The following OGFOD2 variants were observed in gnomAD, a reference collection of about 807,000 sequenced individuals.
OGFOD2 encodes 2-oxoglutarate and iron-dependent oxygenase domain-containing protein 2.
Under a neutral mutation model 31.1 loss-of-function variants are expected in OGFOD2, and 34 were observed. The observed-to-expected ratio is 1.09, with a 90% CI of 0.83 to 1.45. The LOEUF (loss-of-function observed/expected upper bound fraction) is 1.45, where lower values mean the gene tolerates loss of function less well. OGFOD2 is among the 40% of genes most tolerant of loss of function. The pLI is 0.00. For synonymous variants in OGFOD2, 240 were observed against 192.3 expected (o/e 1.25, Z -2.05); for missense variants, 537 against 433.9 (o/e 1.24, Z -2.11).
chr12:122,976,478 C>T, intron 2 of OGFOD2, 176 bp from the exon 3 acceptor site: 1 of 1,503,112 alleles, frequency 6.7e-7, no homozygotes, highest in East Asian at 2.3e-5. Flanking sequence ...TTCTAGAAGT[C>T]CCTTTCAGCT....
exon 7 of OGFOD2, chr12:122,979,100 G>T: frequency 6.3e-7 from 1 of 1,599,328 alleles, no homozygotes; most frequent in African/African-American, 1.3e-5. Context: ...CAGCCCTGAC[G>T]GAGCCCCTGG....
exon 6 of OGFOD2, chr12:122,978,767 G>C (rs1261965980): frequency 6.2e-7 from 1 of 1,609,194 alleles, no homozygotes; most frequent in South Asian, 1.1e-5. Flanking sequence ...TGCTGCACGA[G>C]CTCGGGCTGG....
chr12:122,976,500 A>C, intron 2 of OGFOD2, 154 bp from the exon 3 acceptor site: 1 of 1,415,928 alleles, frequency 7.1e-7, no homozygotes, highest in African/African-American at 1.4e-5. Flanking sequence ...ACAGTCTGGA[A>C]CTTGCAGTTG....
chr12:122,978,649 C>A, intron 5 of OGFOD2, 80 bp downstream of exon 5: 4 of 1,589,974 alleles, frequency 2.5e-6, no homozygotes, highest in Non-Finnish European at 3.4e-6. Context: ...AGATGGGCTG[C>A]CTGCCCGGGC....
chr12:122,976,263 G>C (rs1393978519), intron 2 of OGFOD2: 10 of 952,536 alleles, frequency 1.0e-5, no homozygotes, highest in Non-Finnish European at 1.7e-5. Flanking sequence ...GCTGCTGCCA[G>C]GGCTGCTGCC....
At chr12:122,975,412 C>A in intron 1 of OGFOD2, 29 bp downstream of exon 1, 2 of 682,508 alleles carry the variant, frequency 2.9e-6, no homozygotes, top group Non-Finnish European at 5.4e-6. Flanking sequence ...CCCTACGGAG[C>A]AGTGGGCAGA....
rs777629879 is a variant in OGFOD2, at chr12:122,978,739, G to A, written c.532-14G>A. On this transcript the variant is annotated splice_polypyrimidine_tract_variant and intron_variant, in intron 5 of 6. Coordinates refer to ENST00000228922, the Ensembl canonical transcript of OGFOD2. ...CCTCTAGTTTCCTTGCTGACCCCAGGAATCCCCTCCCAGGTGCTGCTGCAC... is the reference window on the plus strand; with the variant it reads ...CCTCTAGTTTCCTTGCTGACCCCAGAAATCCCCTCCCAGGTGCTGCTGCAC... 6.2e-7 allele frequency: 1 copy of A among 1,602,630 alleles called. No homozygotes were observed. The highest frequency in any genetic ancestry group is 8.5e-7 in the Non-Finnish European group (1 of 1,173,430).
intron 4 of OGFOD2, chr12:122,977,548 C>A (rs1433146668): frequency 5.2e-6 from 1 of 190,866 alleles, no homozygotes; most frequent in Non-Finnish European, 1.1e-5. Context: ...GATTCAGTTT[C>A]CTCATCTGTA....
intron 2 of OGFOD2, chr12:122,976,270 T>G (rs538576691): frequency 9.6e-7 from 1 of 1,046,510 alleles, no homozygotes; most frequent in African/African-American, 1.6e-5. Context: ...CCAGGGCTGC[T>G]GCCCCACTCC....
rs1325675911 is a variant in OGFOD2 at position 122,975,284 on chromosome 12, C to T, written c.33C>T (p.Cys11=). 2.2e-5 allele frequency: 15 copies of T among 693,902 alleles called. 1 individual carries two copies. The highest frequency in any genetic ancestry group is 1.3e-4 in the South Asian group (9 of 67,170). The allele number at this position is 693,902 out of a possible 1,614,324, so 43.0% of individuals were successfully genotyped here. A position where few individuals can be genotyped will look rare whatever the true frequency, so the allele number is the denominator to read the frequency against. The change falls in exon 1 of 7, where the codon TGC becomes TGT. Residue 11 remains cysteine (C), a synonymous_variant. Coordinates refer to ENST00000228922, the Ensembl canonical transcript of OGFOD2. ...CGGTGGGGGCTCCGCGGCACTTCTG[C>T]CGCTGCGCCTGCTTCTGCACCGATA...
exon 1 of OGFOD2, chr12:122,975,245 C>A: frequency 3.0e-6 from 2 of 671,160 alleles, no homozygotes; most frequent in Non-Finnish European, 5.5e-6. Context: ...GCTGTGGGTG[C>A]TTCACTATGG....
intron 4 of OGFOD2, 36 bp from the exon 5 acceptor site, chr12:122,978,406 C>G (rs769781763): frequency 6.2e-7 from 1 of 1,607,928 alleles, no homozygotes; most frequent in East Asian, 2.2e-5. Context: ...GGCCCACGGC[C>G]ACATTCAGGC....
upstream of OGFOD2, chr12:122,975,088 G>A (rs1301646140): frequency 4.4e-5 from 22 of 494,836 alleles, no homozygotes; most frequent in East Asian, 5.2e-4. Context: ...CCCGGCCCAG[G>A]AGCATCTTTC....
exon 7 of OGFOD2, chr12:122,979,969 C>T (rs1566216295): frequency 2.6e-6 from 1 of 382,896 alleles, no homozygotes; most frequent in Non-Finnish European, 4.6e-6. Context: ...GCCTTCGTTT[C>T]CTCATTTAGC....
At chr12:122,976,378 C>T (rs778891358) in intron 2 of OGFOD2, 3 of 1,613,876 alleles carry the variant, frequency 1.9e-6, no homozygotes, top group Admixed American at 1.7e-5. Context: ...GTCTCCTGTC[C>T]CTGTGTGGGC....
exon 2 of OGFOD2, chr12:122,975,843 G>C (rs1159899358): frequency 5.7e-6 from 4 of 702,838 alleles, no homozygotes; most frequent in Non-Finnish European, 1.0e-5. Flanking sequence ...TTAGCGCCAA[G>C]GACTTCCAGC....
intron 1 of OGFOD2, 43 bp downstream of exon 1, chr12:122,975,426 G>A (rs1335960457): frequency 1.5e-6 from 1 of 646,634 alleles, no homozygotes. Context: ...GGGCAGAGAG[G>A]GGTAGTGGAG....
chr12:122,976,936 C>T (rs746407156), exon 4 of OGFOD2: 2 of 1,613,844 alleles, frequency 1.2e-6, no homozygotes, highest in South Asian at 2.2e-5. Flanking sequence ...ACGCAGACCT[C>T]AAGGGCCTTC....
At chr12:122,979,168 C>A (rs1438350614) in exon 7 of OGFOD2, 6 of 1,611,178 alleles carry the variant, frequency 3.7e-6, no homozygotes, top group Non-Finnish European at 5.1e-6. Flanking sequence ...CTGCATGGAG[C>A]CCGGCCCTTG....
Sources: gnomAD v4.1 joint callset for allele counts on GRCh38, gnomAD v4.1.1 for gene constraint, MANE v1.5 for transcripts, NCBI Gene and HGNC (gene_info 2026-07-23, HGNC 2026-07-21) for gene names.